The following NCOR1 variants were observed in gnomAD, a reference collection of about 807,000 sequenced individuals.
NCOR1 encodes protein phosphatase 1, regulatory subunit 109.
A neutral mutation model predicts 288.1 loss-of-function variants in NCOR1; 63 were observed. The ratio of observed to expected loss-of-function variants is 0.22; its 90% CI spans 0.18 to 0.27. The LOEUF is 0.27. Among genes scored for constraint, NCOR1 ranks in the 10% least tolerant of loss-of-function variants. NCOR1 has a pLI of 1.00. For missense variants in NCOR1, 2,397 were observed against 3,019.2 expected, an observed-to-expected ratio of 0.79 and a Z score of 4.83; for synonymous variants, 1,007 against 1,065.9, an observed-to-expected ratio of 0.94 and a Z score of 1.08.
At chr17:16,146,201 T>C (rs1456842034) in intron 10 of NCOR1, among the ~76,000 whole-genome samples, 175 bp downstream of exon 10, 1 of 152,106 alleles carries the variant, frequency 6.6e-6, no homozygotes, top group Non-Finnish European at 1.5e-5. Flanking sequence ...CAGAGACCTT[T>C]GTTCACATGT....
chr17:16,043,867 A>T (rs1333242966), intron 42 of NCOR1, among the ~76,000 whole-genome samples: 1 of 152,206 alleles, frequency 6.6e-6, no homozygotes, highest in African/African-American at 2.4e-5. Context: ...AAATAGTAAT[A>T]ACAATATTTT....
At chr17:16,189,202 T>G (rs936066898) in intron 2 of NCOR1, among the ~76,000 whole-genome samples, 4 of 152,120 alleles carry the variant, frequency 2.6e-5, no homozygotes, top group African/African-American at 9.7e-5. Flanking sequence ...CACACAAACC[T>G]GGCCAACTTG....
intron 3 of NCOR1, among the ~76,000 whole-genome samples, chr17:16,177,217 C>T (rs762135469): frequency 2.6e-4 from 40 of 151,960 alleles, no homozygotes; most frequent in Non-Finnish European, 5.6e-4. Flanking sequence ...GCCCATCTGG[C>T]TGTCTTATCA....
chr17:16,166,931 T>C (rs2082127511), intron 4 of NCOR1, among the ~76,000 whole-genome samples: 1 of 152,228 alleles, frequency 6.6e-6, no homozygotes, highest in South Asian at 2.1e-4. Context: ...TCTTCATGTG[T>C]TGTGAAGCCT....
chr17:16,187,025 CATA>C (rs1009694817), intron 2 of NCOR1, among the ~76,000 whole-genome samples: 1 of 152,110 alleles, frequency 6.6e-6, no homozygotes, highest in African/African-American at 2.4e-5. Context: ...ATACTAAATT[CATA>C]ATGAGTAAGC....
At chr17:16,092,440 T>C (rs1388903900) in intron 21 of NCOR1, among the ~76,000 whole-genome samples, 3 of 151,570 alleles carry the variant, frequency 2.0e-5, no homozygotes, top group African/African-American at 7.3e-5. Flanking sequence ...TGGGCTGAGA[T>C]TGCACCACTG....
At chr17:16,182,870 G>C (rs2085787451) in intron 3 of NCOR1, among the ~76,000 whole-genome samples, 1 of 151,542 alleles carries the variant, frequency 6.6e-6, no homozygotes. Context: ...AAAATTCAAG[G>C]AGAAAAAAAG....
rs1479317789 is a variant in NCOR1, at chr17:16,057,970, C to G, written c.6105G>C (p.Gln2035His). The G allele has an allele frequency of 6.2e-7, 1 of 1,614,136 alleles. No homozygotes were observed. The highest frequency in any genetic ancestry group is 1.1e-5 in the South Asian group (1 of 91,074). ...TGGGCACTTGCCCCATTCCCTCTGC[C>G]TGTGAAGAAGGGGGCAGCTGTTGTT... ...SPQQQLPPSS[Q>H]AEGMGQVPRT... The change falls in exon 39 of 46, where the codon CAG becomes CAC. Residue 2035 changes from glutamine (Q) to histidine (H), a missense_variant. Gln to His is a conservative substitution (Grantham distance 24). Transcript: ENST00000268712.
intron 23 of NCOR1, among the ~76,000 whole-genome samples, 175 bp downstream of exon 23, chr17:16,086,107 G>A (rs540776966): frequency 6.6e-6 from 1 of 152,298 alleles, no homozygotes; most frequent in East Asian, 1.9e-4. Flanking sequence ...TGAAAGTTCT[G>A]ATTTGTGGCA....
chr17:16,209,773 G>A (rs905143310), intron 1 of NCOR1, among the ~76,000 whole-genome samples: 4 of 151,784 alleles, frequency 2.6e-5, no homozygotes, highest in Non-Finnish European at 5.9e-5. Flanking sequence ...CCAACATGGC[G>A]AAACTCTTTC....
At chr17:16,080,339 TTAA>T in intron 25 of NCOR1, 66 bp downstream of exon 25, 1 of 1,259,726 alleles carries the variant, frequency 7.9e-7, no homozygotes, top group East Asian at 2.6e-5. Context: ...TTAAAATATA[TTAA>T]TAACTTACTT....
chr17:16,145,364 T>C (rs2077746040), intron 10 of NCOR1, among the ~76,000 whole-genome samples: 1 of 149,486 alleles, frequency 6.7e-6, no homozygotes, highest in South Asian at 2.1e-4. Flanking sequence ...ACGCCCATCG[T>C]CTGGGATGTG....
At chr17:16,157,639 C>T (rs73981471) in intron 6 of NCOR1, among the ~76,000 whole-genome samples, 7,527 of 152,214 alleles carry the variant, frequency 0.049, 224 homozygotes, top group African/African-American at 0.093. Flanking sequence ...TCAAATCAAT[C>T]AAAACAACAA....
chr17:16,209,012 C>CA (rs1373445489), intron 1 of NCOR1, among the ~76,000 whole-genome samples: 2 of 152,054 alleles, frequency 1.3e-5, no homozygotes, highest in Non-Finnish European at 2.9e-5. Context: ...CTGCTAAGCT[C>CA]ATTTTTATGA....
At position 16,171,965 on chromosome 17, in the gene NCOR1, CG is replaced by C; in HGVS notation, c.272del (p.Pro91ArgfsTer39). 1 of 1,592,744 alleles carries C rather than the reference CG, an allele frequency of 6.3e-7. No individual in the cohort carries two copies. The highest frequency in any genetic ancestry group is 8.5e-7 in the Non-Finnish European group (1 of 1,171,330). ...RPQERRTSYE[P>X]FHPGPSPVDH... ...CCACTGGGGATGGGCCTGGATGAAA[CG>C]GTTCATAACTAGTTCTCCTTTCTTG... is the stretch of plus-strand genomic sequence containing the variant. On this transcript the variant is annotated frameshift_variant, in exon 4 of 46. Transcript: ENST00000268712. LOFTEE classifies it high-confidence loss of function.
At chr17:16,095,831 A>C (rs2066493283) in intron 21 of NCOR1, among the ~76,000 whole-genome samples, 1 of 151,974 alleles carries the variant, frequency 6.6e-6, no homozygotes, top group African/African-American at 2.4e-5. Flanking sequence ...GGAGGTACCC[A>C]ACAGCTCATT....
chr17:16,139,509 A>G lies in NCOR1; in HGVS notation c.1174-323T>C, dbSNP rs1202806958. ...TAAAAAGTAATGTCAAGTTCACTGA[A>G]GTGGTGACCTTATGGAGCATTTAAT... On this transcript the variant is annotated intron_variant, in intron 11 of 45. Coordinates refer to ENST00000268712, the MANE Select transcript of NCOR1 (RefSeq NM_006311.4). Among the ~76,000 whole-genome samples the G allele has an allele frequency of 4.6e-5, 7 of 152,230 alleles. No homozygotes were observed. The East Asian group carries it at 1.3e-3, about 29-fold the overall frequency.
chr17:16,093,478 G>A (rs968449545), intron 21 of NCOR1, among the ~76,000 whole-genome samples: 2 of 152,072 alleles, frequency 1.3e-5, no homozygotes, highest in African/African-American at 2.4e-5. Context: ...CTGTCTCTCT[G>A]ACTTTATGAA....
chr17:16,156,128 A>G (rs1436839130), intron 6 of NCOR1, among the ~76,000 whole-genome samples: 1 of 152,120 alleles, frequency 6.6e-6, no homozygotes, highest in African/African-American at 2.4e-5. Context: ...GTCTGTTAGA[A>G]AGAAAAGAAG....
Sources: gnomAD v4.1 joint callset for allele counts (sites outside exome capture counted in the v4.1 genomes callset) on GRCh38, gnomAD v4.1.1 for gene constraint, MANE v1.5 for transcripts, NCBI Gene and HGNC (gene_info 2026-07-23, HGNC 2026-07-21) for gene names.